The following VPS37B variants were observed in gnomAD, a reference collection of about 807,000 sequenced individuals.
The protein encoded by VPS37B is VPS37B subunit of ESCRT-I.
A neutral mutation model predicts 21.2 loss-of-function variants in VPS37B; 11 were observed. That is an observed-to-expected ratio of 0.52 (90% confidence interval 0.33 to 0.86). The LOEUF is 0.86. Ranked by LOEUF, VPS37B falls within the 40% of genes least tolerant of loss-of-function variation. The pLI is 0.03. For missense variants in VPS37B, 389 were observed against 374.8 expected, an observed-to-expected ratio of 1.04 and a Z score of -0.31; for synonymous variants, 175 against 159.6, an observed-to-expected ratio of 1.10 and a Z score of -0.73.
chr12:122,877,039 C>G (rs1439627886), intron 1 of VPS37B: 1 of 152,194 alleles, frequency 6.6e-6, no homozygotes. Flanking sequence ...ATAATTGTGC[C>G]TTCCTAAACA....
chr12:122,890,602 A>C (rs1253040567), intron 1 of VPS37B, among the ~76,000 whole-genome samples: 1 of 152,168 alleles, frequency 6.6e-6, no homozygotes, highest in East Asian at 1.9e-4. Flanking sequence ...TGCTAAGATT[A>C]CAGGTGTGAG....
chr12:122,869,891 T>A (rs1020685943), intron 2 of VPS37B, among the ~76,000 whole-genome samples: 2 of 151,820 alleles, frequency 1.3e-5, no homozygotes, highest in Non-Finnish European at 2.9e-5. Flanking sequence ...CATAGGCGTG[T>A]GCCACCACCC....
intron 1 of VPS37B, chr12:122,889,005 G>A (rs1239827494): frequency 5.7e-6 from 1 of 174,812 alleles, no homozygotes; most frequent in Non-Finnish European, 1.2e-5. Context: ...GCTCACCAGA[G>A]CCCTGTCTCC....
intron 1 of VPS37B, among the ~76,000 whole-genome samples, chr12:122,890,521 T>C (rs2034397991): frequency 6.6e-6 from 1 of 151,928 alleles, no homozygotes; most frequent in South Asian, 2.1e-4. Context: ...AGAGATGGAG[T>C]TTCGCCATAT....
At chr12:122,871,101 TC>T in intron 1 of VPS37B, 40 bp from the exon 2 acceptor site, 1 of 1,607,224 alleles carries the variant, frequency 6.2e-7, no homozygotes. Context: ...CAAAAGTATA[TC>T]AGCTCCTAAA....
rs569723763 is a variant in VPS37B at position 122,868,317 on chromosome 12, T to C, written c.366+163A>G. On this transcript the variant is annotated intron_variant, in intron 3 of 3. Coordinates refer to ENST00000267202, the MANE Select transcript of VPS37B (RefSeq NM_024667.3). This position sits in a 1 kb window ranked among gnomAD's most constrained non-coding sequence, Gnocchi z 5.5. ...TGCTCCCTGGACCCCTGCCTGGCAC[T>C]TTCCCCAGCACACAGGCCAGGCTGC... is the stretch of plus-strand genomic sequence containing the variant. Among the ~76,000 whole-genome samples, 3 of 152,278 alleles carry C rather than the reference T, an allele frequency of 2.0e-5. No homozygotes were observed. The highest frequency in any genetic ancestry group is 1.9e-4 in the East Asian group (1 of 5,160).
At position 122,867,853 on chromosome 12, in the gene VPS37B, G is replaced by A. The variant is rs1265619903; in HGVS notation, c.367-246C>T. Among the ~76,000 whole-genome samples the A allele has an allele frequency of 6.6e-6, 1 of 152,214 alleles. No homozygotes were observed. The highest frequency in any genetic ancestry group is 2.4e-5 in the African/African-American group (1 of 41,446). ...CCCCACCACCAGCGTGACAGGCAGA[G>A]GAGCTGGCCTTTGGGTGAGGGCTCC... is the stretch of plus-strand genomic sequence containing the variant. On this transcript the variant is annotated intron_variant, in intron 3 of 3. Transcript: ENST00000267202. This position sits in a 1 kb window ranked among gnomAD's most constrained non-coding sequence, Gnocchi z 5.5.
intron 1 of VPS37B, among the ~76,000 whole-genome samples, chr12:122,891,103 T>G (rs2034405065): frequency 6.6e-6 from 1 of 152,248 alleles, no homozygotes. Flanking sequence ...TTCTCCTTAA[T>G]TTCCAGTGAG....
intron 1 of VPS37B, chr12:122,884,863 T>C (rs2034299246): frequency 1.3e-5 from 2 of 152,256 alleles, no homozygotes; most frequent in South Asian, 4.1e-4. Context: ...TTCGGACCAG[T>C]CTTTACACAG....
chr12:122,888,383 A>G (rs1470439149), intron 1 of VPS37B: 6 of 354,500 alleles, frequency 1.7e-5, no homozygotes, highest in South Asian at 8.4e-5. Flanking sequence ...ATCATTTCCA[A>G]TGATGAAATC....
intron 2 of VPS37B, among the ~76,000 whole-genome samples, chr12:122,869,828 A>T (rs529629442): frequency 6.6e-6 from 1 of 152,122 alleles, no homozygotes. Flanking sequence ...CTGCAGCTTC[A>T]ATCTCCAAGG....
chr12:122,868,510 T>G lies in VPS37B; in HGVS notation c.336A>C (p.Ala112=). The G allele has an allele frequency of 6.2e-7, 1 of 1,613,786 alleles. No individual in the cohort carries two copies. The highest frequency in any genetic ancestry group is 8.5e-7 in the Non-Finnish European group (1 of 1,179,924). The part of the protein sequence containing the change: ...SLETLLALLQ[A]EGAKIEEDTE... Reference sequence around the variant, plus strand: ...TGTCTTCCTCAATCTTGGCCCCTTCTGCCTGAAGAAGTGCTAACAGGGTCT... The same window carrying G: ...TGTCTTCCTCAATCTTGGCCCCTTCGGCCTGAAGAAGTGCTAACAGGGTCT... The change falls in exon 3 of 4, where the codon GCA becomes GCC. Residue 112 remains alanine (A), a synonymous_variant. Transcript: ENST00000267202. The surrounding 1 kb of genome is among the most constrained non-coding windows in gnomAD (Gnocchi z 5.5).
At position 122,870,938 on chromosome 12, in the gene VPS37B, C is replaced by T. The variant is rs1271916221; in HGVS notation, c.235G>A (p.Glu79Lys). 3 of 1,614,136 alleles carry T rather than the reference C, an allele frequency of 1.9e-6. No homozygotes were observed. The highest frequency in any genetic ancestry group is 2.2e-5 in the East Asian group (1 of 44,882). The stretch of plus-strand genomic sequence containing the variant: ...TAGGCTTCAAAGAGAACCTGGAGTT[C>T]CTGGTATTTCTGGGTCAAGCGTGCT... ...LKARLTQKYQ[E>K]LQVLFEAYQI... is the part of the protein sequence containing the mutation. The change falls in exon 2 of 4, where the codon GAA becomes AAA. Residue 79 changes from glutamate (E) to lysine (K), a missense_variant. Glu to Lys is a moderately conservative substitution (Grantham distance 56, BLOSUM62 1). Transcript: ENST00000267202.
At chr12:122,888,755 C>A (rs2034365540) in intron 1 of VPS37B, 1 of 351,440 alleles carries the variant, frequency 2.8e-6, no homozygotes, top group Admixed American at 3.4e-5. Flanking sequence ...CAGCTCTTTC[C>A]TTCTCCCAAC....
chr12:122,893,604 C>A (rs2034447377), intron 1 of VPS37B, among the ~76,000 whole-genome samples: 1 of 152,142 alleles, frequency 6.6e-6, no homozygotes, highest in South Asian at 2.1e-4. Flanking sequence ...CCGAGAAAGG[C>A]ACACCACACA....
chr12:122,869,570 T>C (rs1011383080), intron 2 of VPS37B, among the ~76,000 whole-genome samples: 1 of 152,230 alleles, frequency 6.6e-6, no homozygotes, highest in Non-Finnish European at 1.5e-5. Flanking sequence ...TGATAGCAAG[T>C]AGTGACAGAC....
chr12:122,871,176 A>G, intron 1 of VPS37B, 115 bp from the exon 2 acceptor site: 1 of 1,457,184 alleles, frequency 6.9e-7, no homozygotes, highest in South Asian at 1.4e-5. Flanking sequence ...ACTGGTCTCC[A>G]CAGCTGGCAC....
At chr12:122,894,994 G>C (rs750586112) in intron 1 of VPS37B, among the ~76,000 whole-genome samples, 5 of 152,084 alleles carry the variant, frequency 3.3e-5, no homozygotes, top group African/African-American at 1.2e-4. Context: ...TCCCTTCCTC[G>C]GTGGAGGGGG....
intron 1 of VPS37B, chr12:122,875,979 A>G (rs2034142616): frequency 6.6e-6 from 1 of 152,222 alleles, no homozygotes; most frequent in African/African-American, 2.4e-5. Flanking sequence ...TAACCATAGA[A>G]AAGTCTTTTC....
Sources: gnomAD v4.1 joint callset for allele counts (sites outside exome capture counted in the v4.1 genomes callset) on GRCh38, gnomAD v4.1.1 for gene constraint, Gnocchi (gnomAD v3.1) non-coding constraint, MANE v1.5 for transcripts, NCBI Gene and HGNC (gene_info 2026-07-23, HGNC 2026-07-21) for gene names.